The following FGF13 variants were observed in gnomAD, a reference collection of about 807,000 sequenced individuals.
The protein encoded by FGF13 is fibroblast growth factor homologous factor 2.
Under a neutral mutation model 19.5 loss-of-function variants are expected in FGF13, and 2 were observed. The observed-to-expected ratio is 0.10, with a 90% CI of 0.04 to 0.32. The LOEUF (loss-of-function observed/expected upper bound fraction) is 0.32, where lower values mean the gene tolerates loss of function less well. FGF13 is among the 10% of genes least tolerant of loss of function. The pLI is 1.00. For missense variants in FGF13, 113 were observed against 192.7 expected (o/e 0.59, Z 2.45); for synonymous variants, 72 against 76.9 (o/e 0.94, Z 0.33).
intron 1 of FGF13, among the ~76,000 whole-genome samples, chrX:138,729,686 TAAAACAAA>T (rs1259602389): frequency 9.3e-6 from 1 of 107,361 alleles, no homozygotes; most frequent in African/African-American, 3.6e-5. Flanking sequence ...ATAAGCCTAA[TAAAACAAA>T]CAAACAAACA....
chrX:138,639,715 T>G (rs1212212083), intron 3 of FGF13, among the ~76,000 whole-genome samples: 5 of 111,495 alleles, frequency 4.5e-5, no homozygotes, highest in African/African-American at 1.6e-4. Context: ...TTTAAGAAAT[T>G]CATGGTGGCT....
chrX:138,717,889 C>G (rs1320832767), intron 1 of FGF13, among the ~76,000 whole-genome samples: 2 of 111,858 alleles, frequency 1.8e-5, no homozygotes, highest in East Asian at 5.6e-4. Flanking sequence ...CTGGGAATTA[C>G]AGGTGTGAGC....
chrX:139,012,192 A>G, intron 1 of FGF13, among the ~76,000 whole-genome samples: 1 of 112,239 alleles, frequency 8.9e-6, no homozygotes, highest in Non-Finnish European at 1.9e-5. Context: ...AATAAATTAT[A>G]GATGACACAA....
At chrX:138,905,273 G>T (rs1364777220) in intron 1 of FGF13, among the ~76,000 whole-genome samples, 1 of 111,449 alleles carries the variant, frequency 9.0e-6, no homozygotes, top group Non-Finnish European at 1.9e-5. Flanking sequence ...TCAAATGTAG[G>T]TCTCCTCTAA....
At chrX:139,024,468 T>A (rs936616592) in intron 1 of FGF13, among the ~76,000 whole-genome samples, 1 of 110,929 alleles carries the variant, frequency 9.0e-6, no homozygotes, top group Admixed American at 9.6e-5. Context: ...TATTCCTCTA[T>A]CCCATACTTG....
intron 1 of FGF13, among the ~76,000 whole-genome samples, chrX:138,734,815 G>A (rs1232450700): frequency 1.8e-5 from 2 of 111,645 alleles, no homozygotes; most frequent in Non-Finnish European, 3.8e-5. Flanking sequence ...TGGAAGGCAG[G>A]GTCCATGATT....
At chrX:139,117,397 ATG>A (rs1364410107) in intron 1 of FGF13, among the ~76,000 whole-genome samples, 4 of 111,680 alleles carry the variant, frequency 3.6e-5, no homozygotes, top group Non-Finnish European at 7.5e-5. Flanking sequence ...AGGTCCAGGG[ATG>A]TGTGTCTTAT....
intron 1 of FGF13, among the ~76,000 whole-genome samples, chrX:138,872,797 T>G (rs780545928): frequency 8.9e-6 from 1 of 111,833 alleles, no homozygotes; most frequent in African/African-American, 3.3e-5. Flanking sequence ...AGCTCCTTCC[T>G]TTTTACTTTC....
At chrX:138,812,296 C>A (rs1370562767) in intron 3 of FGF13, among the ~76,000 whole-genome samples, 1 of 112,005 alleles carries the variant, frequency 8.9e-6, no homozygotes, top group Non-Finnish European at 1.9e-5. Flanking sequence ...TTTACCCATT[C>A]ATCAGGTGAT....
At chrX:138,995,721 A>G (rs935511064) in intron 1 of FGF13, among the ~76,000 whole-genome samples, 3 of 112,345 alleles carry the variant, frequency 2.7e-5, no homozygotes, top group Non-Finnish European at 5.6e-5. Context: ...ATGGGCATGT[A>G]GGTTAATTCC....
intron 1 of FGF13, among the ~76,000 whole-genome samples, chrX:139,145,393 T>C (rs2083880059): frequency 1.8e-5 from 2 of 111,843 alleles, no homozygotes; most frequent in Non-Finnish European, 1.9e-5. Context: ...TATATACATA[T>C]GTCAAAACTT....
At chrX:138,843,516 A>AT (rs766683346) in intron 3 of FGF13, among the ~76,000 whole-genome samples, 92 of 111,410 alleles carry the variant, frequency 8.3e-4, no homozygotes, top group African/African-American at 2.7e-3. Context: ...TTCTTTCTAC[A>AT]TTTTTTTTAT....
At chrX:138,948,948 G>C (rs747842686) in intron 1 of FGF13, among the ~76,000 whole-genome samples, 1 of 111,974 alleles carries the variant, frequency 8.9e-6, no homozygotes, top group Non-Finnish European at 1.9e-5. Context: ...AGAGAGGTAA[G>C]GAACAGTCAT....
intron 1 of FGF13, among the ~76,000 whole-genome samples, chrX:139,062,415 CTG>C (rs745533075): frequency 8.9e-6 from 1 of 111,901 alleles, no homozygotes; most frequent in South Asian, 3.7e-4. Context: ...TCCCACTAGT[CTG>C]TGTGTCAGGA....
intron 3 of FGF13, among the ~76,000 whole-genome samples, chrX:138,687,975 G>A (rs1397176975): frequency 2.9e-5 from 3 of 104,407 alleles, no homozygotes; most frequent in Admixed American, 1.0e-4. Flanking sequence ...TTTTTGAGAC[G>A]GAGTCTTGCT....
At chrX:138,633,697 C>CT (rs1342248060) in intron 4 of FGF13, among the ~76,000 whole-genome samples, 1 of 111,393 alleles carries the variant, frequency 9.0e-6, no homozygotes, top group Non-Finnish European at 1.9e-5. Context: ...AGATACTACT[C>CT]TAAGTTCTTT....
At chrX:139,100,148 T>C (rs2083501134) in intron 1 of FGF13, among the ~76,000 whole-genome samples, 1 of 108,987 alleles carries the variant, frequency 9.2e-6, no homozygotes, top group Non-Finnish European at 1.9e-5. Flanking sequence ...CTGGAACTCA[T>C]TGTAATAGTA....
intron 1 of FGF13, among the ~76,000 whole-genome samples, chrX:139,138,790 T>C (rs1243342817): frequency 9.0e-6 from 1 of 111,548 alleles, no homozygotes; most frequent in African/African-American, 3.3e-5. Context: ...CACTTCTGAT[T>C]TGAGGAAACT....
chrX:138,779,466 G>T (rs1256563736), intron 3 of FGF13, among the ~76,000 whole-genome samples: 4 of 109,600 alleles, frequency 3.6e-5, no homozygotes, highest in South Asian at 4.1e-4. Context: ...GAGAAGTGCT[G>T]AAAGGAGCTG....
Sources: allele counts gnomAD v4.1 joint callset (sites outside exome capture counted in the v4.1 genomes callset), GRCh38; gene constraint gnomAD v4.1.1; transcripts MANE v1.5; gene names NCBI Gene and HGNC (gene_info 2026-07-23, HGNC 2026-07-21).